WNT3: variants seen among roughly 807,000 people sequenced by gnomAD.
WNT3 encodes the protein proto-oncogene Wnt-3.
A neutral mutation model predicts 34.2 loss-of-function variants in WNT3; 7 were observed. The ratio of observed to expected loss-of-function variants is 0.20; its 90% CI spans 0.12 to 0.38. WNT3 has a LOEUF of 0.38. Among genes scored for constraint, WNT3 ranks in the 10% least tolerant of loss-of-function variants. The pLI, the probability that WNT3 is intolerant of heterozygous loss-of-function variation, is 1.00. For synonymous variants in WNT3, 212 were observed against 211.5 expected (o/e 1.00, Z -0.02); for missense variants, 267 against 499.8 (o/e 0.53, Z 4.44).
intron 1 of WNT3, among the ~76,000 whole-genome samples, chr17:46,817,428 A>G (rs922871948): frequency 6.6e-6 from 1 of 152,096 alleles, no homozygotes; most frequent in East Asian, 1.9e-4. Context: ...CTTTAATTAA[A>G]GTTTTCCGGA....
At chr17:46,815,292 G>A (rs1052234954) in intron 1 of WNT3, among the ~76,000 whole-genome samples, 1 of 152,182 alleles carries the variant, frequency 6.6e-6, no homozygotes, top group Non-Finnish European at 1.5e-5. Context: ...TCACTACCTG[G>A]AGAACATCTC....
At chr17:46,770,880 G>C (rs1355860879) in intron 2 of WNT3, among the ~76,000 whole-genome samples, 1 of 152,224 alleles carries the variant, frequency 6.6e-6, no homozygotes, top group South Asian at 2.1e-4. Flanking sequence ...GGACATTGAC[G>C]ATTAGGGAGG....
At chr17:46,771,827 G>T (rs2059375023) in intron 2 of WNT3, among the ~76,000 whole-genome samples, 1 of 144,028 alleles carries the variant, frequency 6.9e-6, no homozygotes, top group African/African-American at 2.5e-5. Context: ...GCGGCCGCGC[G>T]GTGGGGGGGC....
At position 46,769,935 on chromosome 17, in the gene WNT3, T is replaced by C. The variant is rs749108256; in HGVS notation, c.436A>G (p.Lys146Glu). The C allele has an allele frequency of 1.2e-5, 20 of 1,613,228 alleles. No homozygotes were observed. The highest frequency in any genetic ancestry group is 1.7e-5 in the Non-Finnish European group (20 of 1,179,858). Residue 146 changes from lysine to glutamate, a missense_variant, in exon 3 of 5, where the codon AAG becomes GAG. Transcript: ENST00000225512. ...STICGCDSHH[K>E]GPPGEGWKWG... ...TTCCAGCCTTCGCCAGGCGGCCCCT[T>C]ATGATGCGAGTCACAGCCGCAAATG...
intron 1 of WNT3, among the ~76,000 whole-genome samples, chr17:46,817,307 G>A (rs2146477747): frequency 6.6e-6 from 1 of 152,284 alleles, no homozygotes. Flanking sequence ...ACTTCTTTCT[G>A]ACTTTCACCC....
intron 1 of WNT3, among the ~76,000 whole-genome samples, chr17:46,786,304 C>T (rs958039424): frequency 3.9e-5 from 6 of 152,080 alleles, no homozygotes; most frequent in African/African-American, 1.2e-4. Flanking sequence ...GGTCCTGCAC[C>T]CCTGGCCTGC....
intron 1 of WNT3, among the ~76,000 whole-genome samples, chr17:46,798,900 T>C (rs2084088342): frequency 1.3e-5 from 2 of 151,852 alleles, no homozygotes; most frequent in Non-Finnish European, 2.9e-5. Flanking sequence ...ATACAAAAAT[T>C]GGCCAGGCAT....
At chr17:46,813,616 T>C (rs974304506) in intron 1 of WNT3, among the ~76,000 whole-genome samples, 1 of 151,980 alleles carries the variant, frequency 6.6e-6, no homozygotes, top group African/African-American at 2.4e-5. Flanking sequence ...TCCTGGCTCA[T>C]CACATTCTGA....
At chr17:46,771,729 C>G (rs2059373177) in intron 2 of WNT3, among the ~76,000 whole-genome samples, 1 of 138,404 alleles carries the variant, frequency 7.2e-6, no homozygotes, top group Non-Finnish European at 1.6e-5. Flanking sequence ...CGCCGGGCCG[C>G]GAAATCCCCA....
intron 1 of WNT3, among the ~76,000 whole-genome samples, chr17:46,775,569 T>C (rs1441926571): frequency 6.6e-6 from 1 of 151,774 alleles, no homozygotes; most frequent in Non-Finnish European, 1.5e-5. Flanking sequence ...TCTTAAGCAC[T>C]GAGCTTTTTC....
At chr17:46,816,962 C>T (rs2084359070) in intron 1 of WNT3, among the ~76,000 whole-genome samples, 2 of 152,226 alleles carry the variant, frequency 1.3e-5, no homozygotes, top group Non-Finnish European at 2.9e-5. Context: ...TCCCTGGCTG[C>T]CCTGGCCACC....
Position 46,768,168 on chromosome 17 carries a change from C to G in WNT3, c.*8+144G>C. On this transcript the variant is annotated intron_variant, in intron 4 of 4. Transcript: ENST00000225512. This position sits in a 1 kb window ranked among gnomAD's most constrained non-coding sequence, Gnocchi z 5.0. ...CATTCCCACGGATGCTTGAAAAATCCTAGCTTCCTATTTTGGCTGTGGGAA... is the reference window on the plus strand; with the variant it reads ...CATTCCCACGGATGCTTGAAAAATCGTAGCTTCCTATTTTGGCTGTGGGAA... 8.1e-7 allele frequency: 1 copy of G among 1,227,252 alleles called. No homozygotes were observed. Among genetic ancestry groups the G allele is most frequent in the Middle Eastern group, 2.7e-4 (1 of 3,666 alleles). The allele number at this position is 1,227,252 out of a possible 1,614,324, so 76.0% of individuals were successfully genotyped here.
chr17:46,778,820 C>T (rs2059432934), intron 1 of WNT3, among the ~76,000 whole-genome samples: 1 of 152,156 alleles, frequency 6.6e-6, no homozygotes, highest in Non-Finnish European at 1.5e-5. Flanking sequence ...AACCATTCTA[C>T]ACCATCCTTT....
chr17:46,773,694 G>T lies in WNT3; in HGVS notation c.296C>A (p.Ala99Asp). 6.2e-7 allele frequency: 1 copy of T among 1,610,838 alleles called. No individual in the cohort carries two copies. Among genetic ancestry groups the T allele is most frequent in the Non-Finnish European group, 8.5e-7 (1 of 1,179,212 alleles). Residue 99 changes from alanine to aspartate, a missense_variant, in exon 2 of 5, where the codon GCC (alanine) becomes GAC (aspartate). By Grantham distance (126) the Ala-to-Asp change is moderately radical. Coordinates refer to ENST00000225512, the MANE Select transcript of WNT3 (RefSeq NM_030753.5). ...WNCTTIDDSLAIFGPVLDKAT... is the reference protein window; with the variant it reads ...WNCTTIDDSLDIFGPVLDKAT... Reference sequence around the variant, plus strand: ...TTTGTCGAGGACGGGCCCAAAGATGGCCAGGCTGTCATCTATGGTGGTGCA... The same window carrying T: ...TTTGTCGAGGACGGGCCCAAAGATGTCCAGGCTGTCATCTATGGTGGTGCA...
At chr17:46,771,680 C>T (rs1371545040) in intron 2 of WNT3, among the ~76,000 whole-genome samples, 1 of 143,838 alleles carries the variant, frequency 7.0e-6, no homozygotes, top group African/African-American at 2.5e-5. Context: ...CGCGTAGCAA[C>T]GGGCGGCTCC....
At chr17:46,785,067 G>A (rs957041017) in intron 1 of WNT3, among the ~76,000 whole-genome samples, 13 of 152,080 alleles carry the variant, frequency 8.5e-5, no homozygotes, top group South Asian at 4.2e-4. Context: ...GTGAGCCACC[G>A]TGCCCGGCCT....
At chr17:46,793,861 CAGGAAGTGG>C (rs2084018783) in intron 1 of WNT3, among the ~76,000 whole-genome samples, 1 of 152,162 alleles carries the variant, frequency 6.6e-6, no homozygotes, top group African/African-American at 2.4e-5. Context: ...TGCCATCGGC[CAGGAAGTGG>C]AGGTGGAGTT....
chr17:46,794,373 G>C (rs139837585), intron 1 of WNT3, among the ~76,000 whole-genome samples: 2 of 152,170 alleles, frequency 1.3e-5, no homozygotes, highest in Non-Finnish European at 2.9e-5. Flanking sequence ...AGAAGCCCAG[G>C]CCCTATATGC....
intron 2 of WNT3, 90 bp from the exon 3 acceptor site, chr17:46,770,138 AC>A: frequency 6.9e-7 from 1 of 1,446,030 alleles, no homozygotes; most frequent in South Asian, 1.4e-5. Flanking sequence ...CGTGAGGGGA[AC>A]GAGGCCAGGA....
Sources: gnomAD v4.1 joint callset for allele counts (sites outside exome capture counted in the v4.1 genomes callset) on GRCh38, gnomAD v4.1.1 for gene constraint, Gnocchi (gnomAD v3.1) non-coding constraint, MANE v1.5 for transcripts, NCBI Gene and HGNC (gene_info 2026-07-23, HGNC 2026-07-21) for gene names.